VEGFC: variants seen among roughly 807,000 people sequenced by gnomAD.
The protein encoded by VEGFC is vascular endothelial growth factor C, also known as FLT4 ligand DHM.
A neutral mutation model predicts 46.1 loss-of-function variants in VEGFC; 12 were observed. The observed-to-expected ratio is 0.26, with a 90% CI of 0.17 to 0.42. The LOEUF is 0.42. Among genes scored for constraint, VEGFC ranks in the 10% least tolerant of loss-of-function variants. The pLI is 1.00. For synonymous variants in VEGFC, 232 were observed against 195.5 expected, an observed-to-expected ratio of 1.19 and a Z score of -1.56; for missense variants, 488 against 529.4, an observed-to-expected ratio of 0.92 and a Z score of 0.77.
At chr4:176,732,324 A>T (rs1336272962) in intron 1 of VEGFC, among the ~76,000 whole-genome samples, 1 of 151,842 alleles carries the variant, frequency 6.6e-6, no homozygotes, top group Non-Finnish European at 1.5e-5. Context: ...TATCTAAGAG[A>T]CCCCCAGACT....
At chr4:176,762,881 G>C (rs1735555080) in intron 1 of VEGFC, among the ~76,000 whole-genome samples, 1 of 152,188 alleles carries the variant, frequency 6.6e-6, no homozygotes, top group Admixed American at 6.5e-5. Context: ...CTCTCTTAAA[G>C]AGTCTAATAG....
intron 1 of VEGFC, among the ~76,000 whole-genome samples, chr4:176,781,506 C>T (rs369467141): frequency 6.6e-6 from 1 of 152,312 alleles, no homozygotes; most frequent in East Asian, 1.9e-4. Context: ...AATAGCCTCG[C>T]ATCTGGTATC....
chr4:176,721,219 T>C (rs553526441), intron 3 of VEGFC, among the ~76,000 whole-genome samples: 3 of 152,332 alleles, frequency 2.0e-5, no homozygotes, highest in Admixed American at 2.0e-4. Context: ...CAGGAAATTA[T>C]GTTTAAGGGA....
intron 1 of VEGFC, among the ~76,000 whole-genome samples, 159 bp from the exon 2 acceptor site, chr4:176,729,905 T>C (rs1560948266): frequency 6.6e-6 from 1 of 152,346 alleles, no homozygotes; most frequent in South Asian, 2.1e-4. Flanking sequence ...GGTAAAATTA[T>C]ATTTGTATTT....
intron 1 of VEGFC, among the ~76,000 whole-genome samples, chr4:176,750,152 C>G (rs1359217349): frequency 6.6e-6 from 1 of 151,476 alleles, no homozygotes; most frequent in African/African-American, 2.4e-5. Flanking sequence ...TTACAGGAGT[C>G]ATAACACTGG....
intron 1 of VEGFC, among the ~76,000 whole-genome samples, chr4:176,759,693 T>C (rs1735494963): frequency 6.6e-6 from 1 of 151,962 alleles, no homozygotes; most frequent in African/African-American, 2.4e-5. Context: ...CGTCACAGTG[T>C]ACACCATGCA....
chr4:176,779,575 A>T (rs1735872165), intron 1 of VEGFC, among the ~76,000 whole-genome samples: 1 of 152,202 alleles, frequency 6.6e-6, no homozygotes, highest in African/African-American at 2.4e-5. Context: ...GGGGCACATC[A>T]TCAAGTGGGG....
At chr4:176,764,165 A>C (rs1318803901) in intron 1 of VEGFC, among the ~76,000 whole-genome samples, 2 of 152,206 alleles carry the variant, frequency 1.3e-5, no homozygotes, top group Non-Finnish European at 2.9e-5. Context: ...AGTTGCCAAG[A>C]TCCTGGGCAG....
At chr4:176,692,745 G>C (rs1307688204) in intron 4 of VEGFC, among the ~76,000 whole-genome samples, 1 of 148,670 alleles carries the variant, frequency 6.7e-6, no homozygotes, top group Non-Finnish European at 1.5e-5. Flanking sequence ...GCTTTGAAGA[G>C]AGCAGTGGTT....
At chr4:176,724,238 T>C (rs1430108484) in intron 3 of VEGFC, among the ~76,000 whole-genome samples, 1 of 152,182 alleles carries the variant, frequency 6.6e-6, no homozygotes, top group Non-Finnish European at 1.5e-5. Context: ...GGGAAAAGGC[T>C]AGGGGTCAGG....
intron 1 of VEGFC, among the ~76,000 whole-genome samples, chr4:176,734,873 A>C (rs140573010): frequency 2.4e-4 from 37 of 152,014 alleles, no homozygotes; most frequent in African/African-American, 6.3e-4. Flanking sequence ...ATTTTTTAAA[A>C]TTTAAACTGA....
At chr4:176,773,930 T>C (rs1318815219) in intron 1 of VEGFC, among the ~76,000 whole-genome samples, 1 of 152,098 alleles carries the variant, frequency 6.6e-6, no homozygotes, top group East Asian at 1.9e-4. Flanking sequence ...CTTTTTTAAT[T>C]ACAGCTGAGT....
At chr4:176,692,245 T>C (rs1734203776) in intron 4 of VEGFC, among the ~76,000 whole-genome samples, 1 of 140,752 alleles carries the variant, frequency 7.1e-6, no homozygotes, top group Admixed American at 7.0e-5. Flanking sequence ...ATACAAAAAA[T>C]TAGCCGGGCG....
At chr4:176,744,193 T>C (rs1735223248) in intron 1 of VEGFC, among the ~76,000 whole-genome samples, 1 of 152,008 alleles carries the variant, frequency 6.6e-6, no homozygotes, top group Non-Finnish European at 1.5e-5. Context: ...ATTGACTCTG[T>C]CTGGCTATGA....
At chr4:176,719,046 C>G (rs1734739402) in intron 3 of VEGFC, among the ~76,000 whole-genome samples, 1 of 152,174 alleles carries the variant, frequency 6.6e-6, no homozygotes, top group South Asian at 2.1e-4. Context: ...AACTTTGAAG[C>G]AGTTTTTATC....
chr4:176,712,193 G>T (rs1021591678), intron 3 of VEGFC, among the ~76,000 whole-genome samples: 7 of 152,014 alleles, frequency 4.6e-5, no homozygotes, highest in African/African-American at 1.4e-4. Context: ...ATATGTCTTA[G>T]ATCTCTTATA....
chr4:176,775,329 A>T (rs1735797529), intron 1 of VEGFC, among the ~76,000 whole-genome samples: 1 of 152,214 alleles, frequency 6.6e-6, no homozygotes, highest in Non-Finnish European at 1.5e-5. Flanking sequence ...AAACAAGATT[A>T]TATTTCTTAT....
chr4:176,759,744 A>T (rs971371263), intron 1 of VEGFC, among the ~76,000 whole-genome samples: 1 of 151,858 alleles, frequency 6.6e-6, no homozygotes, highest in Admixed American at 6.6e-5. Flanking sequence ...AAAGTAAAAA[A>T]AAATAAAATA....
chr4:176,775,552 T>C (rs1372161617), intron 1 of VEGFC, among the ~76,000 whole-genome samples: 1 of 152,174 alleles, frequency 6.6e-6, no homozygotes, highest in Non-Finnish European at 1.5e-5. Flanking sequence ...ATGCAAGCAG[T>C]TGTTGACAGA....
Sources: gnomAD v4.1 joint callset for allele counts (sites outside exome capture counted in the v4.1 genomes callset) on GRCh38, gnomAD v4.1.1 for gene constraint, MANE v1.5 for transcripts, NCBI Gene and HGNC (gene_info 2026-07-23, HGNC 2026-07-21) for gene names.